Variants in MED13L observed in about 807,000 individuals in gnomAD.
MED13L encodes mediator complex subunit 13L, also known as mediator of RNA polymerase II transcription subunit 13-like.
In MED13L, 7 loss-of-function variants were observed where a neutral mutation model predicts 220.9. The ratio of observed to expected loss-of-function variants is 0.03; its 90% CI spans 0.02 to 0.06. The LOEUF (loss-of-function observed/expected upper bound fraction) is 0.06, where lower values mean the gene tolerates loss of function less well. Among genes scored for constraint, MED13L ranks in the 10% least tolerant of loss-of-function variants. The probability of loss-of-function intolerance (pLI) is 1.00; values close to 1 mark genes in which losing one functional copy is unlikely to be tolerated. For synonymous variants in MED13L, 1,011 were observed against 1,015.2 expected (o/e 1.00, Z 0.08); for missense variants, 1,965 against 2,760.5 (o/e 0.71, Z 6.46).
intron 4 of MED13L, among the ~76,000 whole-genome samples, chr12:116,068,821 C>T (rs1333374033): frequency 6.8e-6 from 1 of 146,754 alleles, no homozygotes; most frequent in African/African-American, 2.5e-5. Flanking sequence ...TACAACCATA[C>T]ACTACCACTG....
At chr12:116,131,758 C>A (rs1487110787) in intron 2 of MED13L, among the ~76,000 whole-genome samples, 1 of 152,154 alleles carries the variant, frequency 6.6e-6, no homozygotes, top group East Asian at 1.9e-4. Context: ...GAAGGCAGAT[C>A]GCTTCAGCTC....
chr12:115,972,010 G>C, intron 26 of MED13L, 68 bp downstream of exon 26: 1 of 1,530,926 alleles, frequency 6.5e-7, no homozygotes, highest in Admixed American at 1.7e-5. Context: ...CCTTGTCTGC[G>C]GACTTAAGTT....
At chr12:116,172,891 A>T (rs895073667) in intron 2 of MED13L, among the ~76,000 whole-genome samples, 1 of 149,270 alleles carries the variant, frequency 6.7e-6, no homozygotes, top group Admixed American at 6.9e-5. Flanking sequence ...GCACTCCCAC[A>T]CTGTAGCATT....
At chr12:116,057,077 C>T (rs1461101686) in intron 4 of MED13L, among the ~76,000 whole-genome samples, 4 of 152,126 alleles carry the variant, frequency 2.6e-5, no homozygotes, top group African/African-American at 9.7e-5. Context: ...TGTATCACTG[C>T]GTCAGACAAG....
intron 2 of MED13L, among the ~76,000 whole-genome samples, chr12:116,228,120 C>G (rs935196622): frequency 6.6e-6 from 1 of 152,042 alleles, no homozygotes; most frequent in African/African-American, 2.4e-5. Context: ...CTCTTCAATT[C>G]TACCAAGACG....
chr12:116,237,613 T>C lies in MED13L; in HGVS notation c.165A>G (p.Pro55=). The change falls in exon 2 of 31, where the codon CCA becomes CCG. Residue 55 remains proline, a synonymous_variant. Coordinates refer to ENST00000281928, the MANE Select transcript of MED13L (RefSeq NM_015335.5). ...PIISAPAQDD[P]ILLSFIRCLQ... is the part of the protein sequence containing the mutation. Reference sequence around the variant, plus strand: ...GACAGCGGATGAAACTTAACAGAATTGGATCATCTTGGGCTGGGGCTGAAA... The same window carrying C: ...GACAGCGGATGAAACTTAACAGAATCGGATCATCTTGGGCTGGGGCTGAAA... The C allele has an allele frequency of 6.2e-7, 1 of 1,614,176 alleles. No homozygotes were observed. The highest frequency in any genetic ancestry group is 8.5e-7 in the Non-Finnish European group (1 of 1,180,046).
chr12:116,066,581 C>T (rs2137661608), intron 4 of MED13L, among the ~76,000 whole-genome samples: 1 of 152,134 alleles, frequency 6.6e-6, no homozygotes, highest in Non-Finnish European at 1.5e-5. Flanking sequence ...TACTTTTGCA[C>T]CAATCTAATA....
At chr12:116,258,776 A>AG (rs1872264061) in intron 1 of MED13L, among the ~76,000 whole-genome samples, 1 of 138,488 alleles carries the variant, frequency 7.2e-6, no homozygotes, top group Non-Finnish European at 1.5e-5. Flanking sequence ...ACTCCATCTC[A>AG]GAAAAAAAAA....
intron 3 of MED13L, among the ~76,000 whole-genome samples, chr12:116,107,324 C>T (rs181690859): frequency 1.2e-4 from 19 of 152,248 alleles, no homozygotes; most frequent in Admixed American, 1.0e-3. Flanking sequence ...TAGATATATA[C>T]AATGTAGTTT....
chr12:116,209,643 T>G (rs1041192031), intron 2 of MED13L, among the ~76,000 whole-genome samples: 1 of 152,206 alleles, frequency 6.6e-6, no homozygotes, highest in Non-Finnish European at 1.5e-5. Context: ...TTCCTTATTA[T>G]TCTTTATTGC....
intron 4 of MED13L, among the ~76,000 whole-genome samples, chr12:116,034,309 A>T (rs1359123178): frequency 1.3e-5 from 2 of 152,100 alleles, no homozygotes; most frequent in Admixed American, 1.3e-4. Flanking sequence ...TTTCTGATAC[A>T]TTATAACATT....
intron 2 of MED13L, among the ~76,000 whole-genome samples, chr12:116,224,071 T>C (rs774690364): frequency 3.3e-5 from 5 of 152,194 alleles, no homozygotes; most frequent in Non-Finnish European, 5.9e-5. Flanking sequence ...GTCCTGGAAT[T>C]ACAATGATGG....
intron 2 of MED13L, among the ~76,000 whole-genome samples, chr12:116,206,167 T>A (rs1486399587): frequency 7.4e-6 from 1 of 134,276 alleles, no homozygotes; most frequent in Non-Finnish European, 1.5e-5. Flanking sequence ...TGCGACCTCC[T>A]CCTCCTGGGT....
chr12:115,965,981 G>A, intron 29 of MED13L, 101 bp downstream of exon 29: 4 of 1,401,284 alleles, frequency 2.9e-6, no homozygotes, highest in Non-Finnish European at 4.0e-6. Context: ...AAAAGGAACA[G>A]AATAAGATTA....
chr12:116,209,906 T>A (rs761509744), intron 2 of MED13L, among the ~76,000 whole-genome samples: 1 of 152,210 alleles, frequency 6.6e-6, no homozygotes, highest in East Asian at 1.9e-4. Context: ...GATTTAACCA[T>A]GGCTTAACCA....
At chr12:116,129,683 C>T (rs919760639) in intron 2 of MED13L, among the ~76,000 whole-genome samples, 4 of 152,078 alleles carry the variant, frequency 2.6e-5, no homozygotes, top group African/African-American at 4.8e-5. Context: ...CCAAGGTGGG[C>T]GGATCACCCA....
At chr12:116,132,234 C>T (rs1421901225) in intron 2 of MED13L, among the ~76,000 whole-genome samples, 1 of 142,804 alleles carries the variant, frequency 7.0e-6, no homozygotes, top group African/African-American at 2.6e-5. Context: ...GAGCCGAGAT[C>T]GTGGCATTGC....
chr12:115,972,661 T>C (rs1876670953), intron 25 of MED13L, among the ~76,000 whole-genome samples: 1 of 152,186 alleles, frequency 6.6e-6, no homozygotes, highest in African/African-American at 2.4e-5. Flanking sequence ...GTTTTGTTTA[T>C]TGTTGTAGGT....
chr12:116,135,313 T>C (rs1440381269), intron 2 of MED13L, among the ~76,000 whole-genome samples: 3 of 152,194 alleles, frequency 2.0e-5, no homozygotes, highest in Non-Finnish European at 2.9e-5. Flanking sequence ...GAGGCCACTA[T>C]GCTGAAAGGA....
Sources: allele counts gnomAD v4.1 joint callset (sites outside exome capture counted in the v4.1 genomes callset), GRCh38; gene constraint gnomAD v4.1.1; transcripts MANE v1.5; gene names NCBI Gene and HGNC (gene_info 2026-07-23, HGNC 2026-07-21).